The following MAGI2 variants were observed in gnomAD, a reference collection of about 807,000 sequenced individuals.
MAGI2 encodes membrane-associated guanylate kinase, WW and PDZ domain-containing protein 2.
Under a neutral mutation model 133.3 loss-of-function variants are expected in MAGI2, and 35 were observed. The observed-to-expected ratio is 0.26, with a 90% CI of 0.20 to 0.35. MAGI2 has a LOEUF of 0.35. MAGI2 is among the 10% of genes least tolerant of loss of function. The pLI, the probability that MAGI2 is intolerant of heterozygous loss-of-function variation, is 1.00. For synonymous variants in MAGI2, 729 were observed against 710.6 expected, an observed-to-expected ratio of 1.03 and a Z score of -0.41; for missense variants, 1,636 against 1,863.4, an observed-to-expected ratio of 0.88 and a Z score of 2.25.
In MAGI2 at chr7:79,453,017, C is replaced by A; in HGVS notation, c.301+3G>T. 6.4e-7 allele frequency: 1 copy of A among 1,571,970 alleles called. No homozygotes were observed. The highest frequency in any genetic ancestry group is 1.7e-5 in the Admixed American group (1 of 57,618). Reference sequence around the variant, plus strand: ...AAAACACTGAGCAAGCCGCTGCTCTCACCTTGCTTGACACACTTGAGCCGG... The same window carrying A: ...AAAACACTGAGCAAGCCGCTGCTCTAACCTTGCTTGACACACTTGAGCCGG... On this transcript the variant is annotated splice_donor_region_variant and intron_variant, in intron 1 of 21. Coordinates refer to ENST00000354212, the MANE Select transcript of MAGI2 (RefSeq NM_012301.4).
At chr7:79,359,694 A>G (rs1436926513) in intron 1 of MAGI2, among the ~76,000 whole-genome samples, 2 of 151,562 alleles carry the variant, frequency 1.3e-5, no homozygotes, top group African/African-American at 4.8e-5. Flanking sequence ...ACACACACAC[A>G]CACACACACA....
chr7:78,710,672 G>A (rs1819096959), intron 2 of MAGI2, among the ~76,000 whole-genome samples: 1 of 152,130 alleles, frequency 6.6e-6, no homozygotes. Flanking sequence ...ATAAAGCTCA[G>A]TATATTGCTA....
At chr7:78,733,569 T>A (rs2151231596) in intron 2 of MAGI2, among the ~76,000 whole-genome samples, 1 of 152,288 alleles carries the variant, frequency 6.6e-6, no homozygotes, top group African/African-American at 2.4e-5. Flanking sequence ...TTAAATAAAT[T>A]CAGTGAAATC....
intron 1 of MAGI2, among the ~76,000 whole-genome samples, chr7:79,365,501 A>T (rs1393590479): frequency 2.0e-5 from 3 of 152,204 alleles, no homozygotes; most frequent in Non-Finnish European, 4.4e-5. Flanking sequence ...TGGATGGTTA[A>T]ACAAACTGAC....
chr7:79,393,249 A>T (rs900305400), intron 1 of MAGI2, among the ~76,000 whole-genome samples: 1 of 152,208 alleles, frequency 6.6e-6, no homozygotes, highest in Non-Finnish European at 1.5e-5. Flanking sequence ...CAGTAACAAC[A>T]GTTTAAGAAC....
chr7:79,315,440 G>A (rs961889815), intron 1 of MAGI2, among the ~76,000 whole-genome samples: 2 of 150,808 alleles, frequency 1.3e-5, no homozygotes, highest in African/African-American at 2.4e-5. Context: ...CCTCCAAAGT[G>A]TTAGGATTAT....
intron 1 of MAGI2, among the ~76,000 whole-genome samples, chr7:79,277,669 A>T (rs1036498300): frequency 6.6e-5 from 10 of 152,186 alleles, no homozygotes; most frequent in African/African-American, 2.4e-4. Context: ...ATGCATTAAC[A>T]GGCCCCTCAG....
At chr7:79,306,345 G>A (rs1837812402) in intron 1 of MAGI2, among the ~76,000 whole-genome samples, 1 of 144,382 alleles carries the variant, frequency 6.9e-6, no homozygotes, top group Non-Finnish European at 1.5e-5. Flanking sequence ...TATATTTGTA[G>A]AGATAGGGGT....
intron 2 of MAGI2, among the ~76,000 whole-genome samples, chr7:78,959,700 G>T (rs1397297787): frequency 6.6e-6 from 1 of 152,092 alleles, no homozygotes; most frequent in Non-Finnish European, 1.5e-5. Context: ...GATTACTTCT[G>T]AATCTGTGAG....
At chr7:78,824,311 C>G (rs1470481322) in intron 2 of MAGI2, among the ~76,000 whole-genome samples, 1 of 152,146 alleles carries the variant, frequency 6.6e-6, no homozygotes, top group African/African-American at 2.4e-5. Context: ...ATTGCTGGGT[C>G]AAATGGTATT....
In MAGI2 at chr7:78,489,799, G is replaced by A. The variant is rs1793428125; in HGVS notation, c.1007C>T (p.Ala336Val). Residue 336 changes from alanine to valine, a missense_variant, in exon 6 of 22, where the codon GCG becomes GTG. Ala to Val is a moderately conservative substitution (Grantham distance 64, BLOSUM62 0). Coordinates refer to ENST00000354212, the MANE Select transcript of MAGI2 (RefSeq NM_012301.4). ...CTCTTCTGGAGGTTTAGCCTTTTTC[G>A]CAAGTCGTGGATCCAGCCATGATGT... Reference protein sequence around the residue: ...KTTSWLDPRLAKKAKPPEECK... With the variant: ...KTTSWLDPRLVKKAKPPEECK... The A allele has an allele frequency of 2.5e-6, 4 of 1,612,214 alleles. No individual in the cohort carries two copies. The highest frequency in any genetic ancestry group is 2.2e-5 in the East Asian group (1 of 44,828).
intron 6 of MAGI2, among the ~76,000 whole-genome samples, chr7:78,489,137 G>A (rs897256473): frequency 2.6e-5 from 4 of 151,848 alleles, no homozygotes; most frequent in Non-Finnish European, 4.4e-5. Flanking sequence ...CATAATTTAT[G>A]AATTTAAAAA....
chr7:78,707,191 T>C (rs1173045210), intron 2 of MAGI2, among the ~76,000 whole-genome samples: 2 of 151,758 alleles, frequency 1.3e-5, no homozygotes, highest in Admixed American at 6.6e-5. Flanking sequence ...TATTAAAGAA[T>C]AAATTAGCAA....
At chr7:78,938,590 G>A (rs10085455) in intron 2 of MAGI2, among the ~76,000 whole-genome samples, 1,767 of 152,188 alleles carry the variant, frequency 0.012, 37 homozygotes, top group African/African-American at 0.04. Flanking sequence ...ATATGAGGAA[G>A]TCTAGACCAA....
At chr7:79,054,396 T>C (rs1202660175) in intron 1 of MAGI2, among the ~76,000 whole-genome samples, 1 of 152,160 alleles carries the variant, frequency 6.6e-6, no homozygotes, top group Non-Finnish European at 1.5e-5. Context: ...AAAATCCAGG[T>C]CCCAGAAAAA....
At chr7:79,138,454 T>C (rs914348818) in intron 1 of MAGI2, among the ~76,000 whole-genome samples, 1 of 152,228 alleles carries the variant, frequency 6.6e-6, no homozygotes, top group Admixed American at 6.5e-5. Flanking sequence ...ATAAAATTTA[T>C]CATGTATGAA....
At chr7:78,274,907 A>G (rs1346295484) in intron 9 of MAGI2, among the ~76,000 whole-genome samples, 2 of 151,984 alleles carry the variant, frequency 1.3e-5, no homozygotes, top group East Asian at 1.9e-4. Flanking sequence ...GAGCCAGACC[A>G]CTTGGCTCCC....
intron 2 of MAGI2, among the ~76,000 whole-genome samples, chr7:78,893,455 C>G (rs1031928252): frequency 6.6e-6 from 1 of 152,038 alleles, no homozygotes; most frequent in African/African-American, 2.4e-5. Flanking sequence ...GCACTATTCA[C>G]AATAGCAAAG....
chr7:79,238,479 A>G (rs1222721128), intron 1 of MAGI2, among the ~76,000 whole-genome samples: 1 of 152,192 alleles, frequency 6.6e-6, no homozygotes, highest in Non-Finnish European at 1.5e-5. Context: ...ATGGCAGGAC[A>G]TATACGTCAA....
Sources: allele counts gnomAD v4.1 joint callset (sites outside exome capture counted in the v4.1 genomes callset), GRCh38; gene constraint gnomAD v4.1.1; transcripts MANE v1.5; gene names NCBI Gene and HGNC (gene_info 2026-07-23, HGNC 2026-07-21).